TRDN: variants seen among roughly 807,000 people sequenced by gnomAD.
TRDN encodes the protein triadin.
A neutral mutation model predicts 149.7 loss-of-function variants in TRDN; 161 were observed. The observed-to-expected ratio is 1.08, with a 90% CI of 0.95 to 1.23. TRDN has a LOEUF of 1.23. Ranked by LOEUF, TRDN falls within the 50% of genes most tolerant of loss-of-function variation. The pLI is 0.00. For missense variants in TRDN, 896 were observed against 823.5 expected (o/e 1.09, Z -1.08); for synonymous variants, 294 against 250.5 (o/e 1.17, Z -1.64).
chr6:123,232,782 G>T (rs981365403), intron 38 of TRDN, among the ~76,000 whole-genome samples: 6 of 152,014 alleles, frequency 3.9e-5, no homozygotes, highest in African/African-American at 9.7e-5. Flanking sequence ...CACATTTATG[G>T]CATGGATTAA....
intron 33 of TRDN, among the ~76,000 whole-genome samples, chr6:123,264,073 C>T (rs1191908293): frequency 6.6e-6 from 1 of 152,058 alleles, no homozygotes; most frequent in Non-Finnish European, 1.5e-5. Context: ...ACACAACATA[C>T]ATTCTGCAGC....
At chr6:123,501,826 G>A (rs9398731) in intron 8 of TRDN, 742,924 of 870,274 alleles carry the variant, frequency 0.85, 317,795 homozygotes, top group East Asian at 0.88. Flanking sequence ...ACTGAAAAGG[G>A]ATATGGTAAT....
chr6:123,497,213 AC>A lies in TRDN; in HGVS notation c.832del (p.Val278SerfsTer5). ...AFCRYMIDIFVHGDLKPGQSP... is the reference protein window; with the variant it reads ...AFCRYMIDIFXHGDLKPGQSP... The stretch of plus-strand genomic sequence containing the variant: ...AATACCTGGTTTTAAATCCCCATGG[AC>A]AAATATGTCAATCATATATCGACAG... On this transcript the variant is annotated frameshift_variant, in exon 9 of 41. Transcript: ENST00000334268. LOFTEE classifies it high-confidence loss of function. 1 of 1,559,488 alleles carries A rather than the reference AC, an allele frequency of 6.4e-7. No individual in the cohort carries two copies.
rs80018999 is a variant in TRDN at position 123,359,917 on chromosome 6, G to T, written c.1321+6218C>A. On this transcript the variant is annotated intron_variant, in intron 20 of 40. Transcript: ENST00000334268. ...TCACCGTGTTAGCCAGGATGGTCTC[G>T]ATCTCCTGACCTCATGATCCACCCA... Among the ~76,000 whole-genome samples, 418 of 152,100 alleles carry T rather than the reference G, an allele frequency of 2.7e-3. 12 individuals are homozygous for T. In the East Asian group the frequency reaches 0.074, roughly 27 times the overall value.
chr6:123,337,098 G>C (rs910683584), intron 22 of TRDN, among the ~76,000 whole-genome samples: 1 of 152,004 alleles, frequency 6.6e-6, no homozygotes, highest in African/African-American at 2.4e-5. Context: ...TAGCAATATA[G>C]AGTGTGACAA....
chr6:123,375,123 GT>G (rs1384744113), intron 19 of TRDN, among the ~76,000 whole-genome samples: 1 of 152,100 alleles, frequency 6.6e-6, no homozygotes, highest in African/African-American at 2.4e-5. Context: ...GTATGTTATG[GT>G]TATCAGTTAA....
At chr6:123,496,916 A>G (rs1163097770) in intron 9 of TRDN, among the ~76,000 whole-genome samples, 1 of 152,068 alleles carries the variant, frequency 6.6e-6, no homozygotes, top group East Asian at 1.9e-4. Context: ...GCTTCACTTC[A>G]AGACATTATT....
At chr6:123,567,038 G>C (rs547673676) in intron 2 of TRDN, among the ~76,000 whole-genome samples, 1 of 152,200 alleles carries the variant, frequency 6.6e-6, no homozygotes, top group African/African-American at 2.4e-5. Flanking sequence ...CCATTGGAGA[G>C]CTGCAATTAA....
At chr6:123,584,232 C>T (rs1279889225) in intron 1 of TRDN, among the ~76,000 whole-genome samples, 3 of 152,058 alleles carry the variant, frequency 2.0e-5, no homozygotes, top group Non-Finnish European at 4.4e-5. Flanking sequence ...AGAGTGAGTA[C>T]AGCTGAAGGA....
intron 24 of TRDN, among the ~76,000 whole-genome samples, chr6:123,288,317 G>A (rs1053290283): frequency 1.3e-5 from 2 of 151,984 alleles, no homozygotes; most frequent in African/African-American, 4.8e-5. Flanking sequence ...GAACTCCACT[G>A]GTCAGAGTAG....
At chr6:123,396,901 G>A (rs1772754082) in intron 12 of TRDN, among the ~76,000 whole-genome samples, 1 of 151,984 alleles carries the variant, frequency 6.6e-6, no homozygotes, top group Non-Finnish European at 1.5e-5. Flanking sequence ...TCAAAAATAG[G>A]TTTCACATAA....
At chr6:123,300,106 A>C (rs1982035) in intron 24 of TRDN, among the ~76,000 whole-genome samples, 28,622 of 151,846 alleles carry the variant, frequency 0.19, 3,591 homozygotes, top group East Asian at 0.66. Context: ...ATAAGGACTT[A>C]TCTAGTGAAT....
chr6:123,458,455 T>A (rs1384528430), intron 10 of TRDN, among the ~76,000 whole-genome samples: 4 of 151,980 alleles, frequency 2.6e-5, no homozygotes. Flanking sequence ...AAGACTGAAG[T>A]CCCCCAAGGA....
At chr6:123,509,817 A>G (rs1273708454) in intron 7 of TRDN, 5 of 152,144 alleles carry the variant, frequency 3.3e-5, no homozygotes, top group Non-Finnish European at 7.4e-5. Context: ...ATTTTTTGAA[A>G]AAAAAAAGAT....
At chr6:123,433,593 G>T (rs1360036917) in intron 12 of TRDN, among the ~76,000 whole-genome samples, 1 of 151,690 alleles carries the variant, frequency 6.6e-6, no homozygotes, top group Non-Finnish European at 1.5e-5. Flanking sequence ...AAGCTATGTG[G>T]TTTTAATATC....
At chr6:123,450,388 A>G (rs1163620166) in intron 10 of TRDN, among the ~76,000 whole-genome samples, 1 of 152,152 alleles carries the variant, frequency 6.6e-6, no homozygotes, top group East Asian at 1.9e-4. Flanking sequence ...AAGGGGTAGA[A>G]AAAGGCATTT....
At chr6:123,566,200 T>G (rs994351246) in intron 2 of TRDN, among the ~76,000 whole-genome samples, 2 of 152,228 alleles carry the variant, frequency 1.3e-5, no homozygotes, top group African/African-American at 4.8e-5. Context: ...ATTTGGTGCC[T>G]TAAAATTTGT....
intron 1 of TRDN, among the ~76,000 whole-genome samples, chr6:123,629,199 C>T (rs1228621600): frequency 6.6e-6 from 1 of 152,092 alleles, no homozygotes; most frequent in African/African-American, 2.4e-5. Context: ...CCCCTAATCA[C>T]ATGATAATTT....
chr6:123,609,990 T>A lies in TRDN; in HGVS notation c.22+26764A>T, dbSNP rs151071166. On this transcript the variant is annotated intron_variant, in intron 1 of 40. Transcript: ENST00000334268. ...TAAATTTATACTAGAAGTCCTGAAATAAGCTTTTTCAATAAACTAAAGTTA... is the reference window on the plus strand; with the variant it reads ...TAAATTTATACTAGAAGTCCTGAAAAAAGCTTTTTCAATAAACTAAAGTTA... Among the ~76,000 whole-genome samples, 592 of 152,246 alleles carry A rather than the reference T, an allele frequency of 3.9e-3. 7 individuals are homozygous for A. The highest frequency in any genetic ancestry group is 0.013 in the African/African-American group (554 of 41,566).
Sources: allele counts gnomAD v4.1 joint callset (sites outside exome capture counted in the v4.1 genomes callset), GRCh38; gene constraint gnomAD v4.1.1; transcripts MANE v1.5; gene names NCBI Gene and HGNC (gene_info 2026-07-23, HGNC 2026-07-21).